GRID1: variants seen among roughly 807,000 people sequenced by gnomAD.
GRID1 encodes glutamate ionotropic receptor delta type subunit 1.
In GRID1, 28 loss-of-function variants were observed where a neutral mutation model predicts 98.0. The ratio of observed to expected loss-of-function variants is 0.29; its 90% CI spans 0.21 to 0.39. GRID1 has a LOEUF of 0.39. Ranked by LOEUF, GRID1 falls within the 10% of genes least tolerant of loss-of-function variation. The probability of loss-of-function intolerance (pLI) is 1.00; values close to 1 mark genes in which losing one functional copy is unlikely to be tolerated. For missense variants in GRID1, 1,111 were observed against 1,340.5 expected, an observed-to-expected ratio of 0.83 and a Z score of 2.67; for synonymous variants, 553 against 538.5, an observed-to-expected ratio of 1.03 and a Z score of -0.37.
chr10:86,189,773 G>C (rs1447571317), intron 3 of GRID1, among the ~76,000 whole-genome samples: 1 of 152,182 alleles, frequency 6.6e-6, no homozygotes, highest in Non-Finnish European at 1.5e-5. Context: ...TGTTATGACA[G>C]AGAAACACAA....
intron 8 of GRID1, among the ~76,000 whole-genome samples, chr10:85,771,260 A>G (rs1362554154): frequency 6.6e-6 from 1 of 152,258 alleles, no homozygotes; most frequent in Admixed American, 6.5e-5. Flanking sequence ...TACTTTACAG[A>G]CAAGCAAATG....
chr10:86,231,225 G>A (rs1055740603), intron 2 of GRID1, among the ~76,000 whole-genome samples: 2 of 152,208 alleles, frequency 1.3e-5, no homozygotes, highest in Non-Finnish European at 2.9e-5. Context: ...GAAATGGTTG[G>A]TTTGCTGCTA....
chr10:85,840,530 G>A (rs144314350), intron 8 of GRID1, among the ~76,000 whole-genome samples: 7 of 151,950 alleles, frequency 4.6e-5, no homozygotes, highest in Admixed American at 6.6e-5. Flanking sequence ...CCAAATAGGA[G>A]GAGGAGAAGT....
At chr10:86,093,779 T>G (rs1219623323) in intron 4 of GRID1, among the ~76,000 whole-genome samples, 1 of 152,178 alleles carries the variant, frequency 6.6e-6, no homozygotes, top group African/African-American at 2.4e-5. Context: ...AAAGAATTAT[T>G]GGCATCAATC....
chr10:85,683,363 T>G (rs7919376), intron 12 of GRID1, among the ~76,000 whole-genome samples: 98,015 of 152,076 alleles, frequency 0.64, 32,541 homozygotes, highest in African/African-American at 0.81. Context: ...GAGATCTCTA[T>G]GCCTTAAGAG....
intron 2 of GRID1, among the ~76,000 whole-genome samples, chr10:86,257,155 T>C (rs997419740): frequency 2.6e-5 from 4 of 152,230 alleles, no homozygotes; most frequent in African/African-American, 9.6e-5. Context: ...ACCTTAGGCT[T>C]TGACGCAGAG....
chr10:86,132,254 T>C (rs1327394776), intron 4 of GRID1, among the ~76,000 whole-genome samples: 2 of 152,062 alleles, frequency 1.3e-5, no homozygotes, highest in South Asian at 2.1e-4. Flanking sequence ...GACAGAGCCA[T>C]GTAGAGCCTC....
At position 86,234,910 on chromosome 10, in the gene GRID1, T is replaced by C. The variant is rs145036347; in HGVS notation, c.236-28262A>G. On this transcript the variant is annotated intron_variant, in intron 2 of 15. Transcript: ENST00000327946. ...TCACTACCTGCAGGCGCACTGATGG[T>C]GGAACCACCAGCCAAATCAATAGAG... Among the ~76,000 whole-genome samples, 826 of 152,176 alleles carry C rather than the reference T, an allele frequency of 5.4e-3. 3 individuals carry two copies. Among genetic ancestry groups the C allele is most frequent in the Middle Eastern group, 0.02 (6 of 294 alleles).
intron 4 of GRID1, among the ~76,000 whole-genome samples, chr10:85,929,634 A>G (rs1321999458): frequency 6.6e-6 from 1 of 152,236 alleles, no homozygotes; most frequent in African/African-American, 2.4e-5. Flanking sequence ...TCAAAGCACA[A>G]TGTTACAATT....
At chr10:86,184,464 T>TC (rs1554859342) in intron 3 of GRID1, among the ~76,000 whole-genome samples, 1 of 146,898 alleles carries the variant, frequency 6.8e-6, no homozygotes, top group Non-Finnish European at 1.5e-5. Flanking sequence ...CTTTTTTCTT[T>TC]TTTTTTTTTT....
intron 8 of GRID1, among the ~76,000 whole-genome samples, chr10:85,748,992 A>T (rs1842022651): frequency 6.6e-6 from 1 of 152,060 alleles, no homozygotes; most frequent in African/African-American, 2.4e-5. Flanking sequence ...AGCCATGTTT[A>T]CTCTACTTCA....
intron 8 of GRID1, among the ~76,000 whole-genome samples, chr10:85,798,893 T>C (rs1214505001): frequency 6.6e-6 from 1 of 152,004 alleles, no homozygotes; most frequent in Non-Finnish European, 1.5e-5. Context: ...TTTGTTGTCT[T>C]TTTTTTGAGG....
chr10:85,732,178 C>G (rs1841833560), intron 8 of GRID1, among the ~76,000 whole-genome samples: 1 of 152,088 alleles, frequency 6.6e-6, no homozygotes, highest in African/African-American at 2.4e-5. Flanking sequence ...CTGCTTAGCC[C>G]AGGTGCTGGA....
intron 4 of GRID1, among the ~76,000 whole-genome samples, chr10:86,124,077 C>T (rs1291052229): frequency 4.6e-5 from 7 of 152,330 alleles, no homozygotes; most frequent in African/African-American, 1.2e-4. Flanking sequence ...CTCCCAGGCT[C>T]CCTGTCAGCT....
At chr10:85,837,439 C>T (rs1208794134) in intron 8 of GRID1, among the ~76,000 whole-genome samples, 2 of 152,166 alleles carry the variant, frequency 1.3e-5, no homozygotes, top group Non-Finnish European at 2.9e-5. Context: ...CTTGGCATCC[C>T]CAGCACAGTG....
chr10:86,086,524 G>C (rs1844059312), intron 4 of GRID1, among the ~76,000 whole-genome samples: 1 of 152,200 alleles, frequency 6.6e-6, no homozygotes, highest in South Asian at 2.1e-4. Flanking sequence ...TCAGCGACAG[G>C]GCTGGGACTC....
chr10:85,932,984 AC>A (rs1187933872), intron 4 of GRID1, among the ~76,000 whole-genome samples: 1 of 152,216 alleles, frequency 6.6e-6, no homozygotes, highest in Non-Finnish European at 1.5e-5. Context: ...CCCCAAAAAA[AC>A]ATGTGTTAGA....
intron 4 of GRID1, among the ~76,000 whole-genome samples, chr10:86,014,696 A>T (rs1357630766): frequency 6.6e-6 from 1 of 152,256 alleles, no homozygotes; most frequent in Non-Finnish European, 1.5e-5. Context: ...AATTACACTC[A>T]GTCAATGGCT....
intron 4 of GRID1, among the ~76,000 whole-genome samples, chr10:85,998,494 G>A (rs142770209): frequency 2.6e-5 from 4 of 152,196 alleles, no homozygotes; most frequent in African/African-American, 9.6e-5. Flanking sequence ...CCAGTGCTTA[G>A]AGGGAAATGC....
Sources: gnomAD v4.1 joint callset for allele counts (sites outside exome capture counted in the v4.1 genomes callset) on GRCh38, gnomAD v4.1.1 for gene constraint, MANE v1.5 for transcripts, NCBI Gene and HGNC (gene_info 2026-07-23, HGNC 2026-07-21) for gene names.